Variants in KIF18A observed in about 807,000 individuals in gnomAD.
The protein encoded by KIF18A is kinesin-like protein KIF18A.
In KIF18A, 67 loss-of-function variants were observed where a neutral mutation model predicts 103.3. The ratio of observed to expected loss-of-function variants is 0.65; its 90% CI spans 0.53 to 0.79. KIF18A has a LOEUF of 0.79. KIF18A is among the 30% of genes least tolerant of loss of function. The pLI is 0.00. For synonymous variants in KIF18A, 367 were observed against 355.5 expected (o/e 1.03, Z -0.36); for missense variants, 1,032 against 1,062.5 (o/e 0.97, Z 0.40).
At chr11:28,069,152 G>T in intron 11 of KIF18A, 107 bp downstream of exon 11, 1 of 806,832 alleles carries the variant, frequency 1.2e-6, no homozygotes, top group Non-Finnish European at 2.1e-6. Context: ...AGAGTTATGA[G>T]GCAATAATAG....
intron 2 of KIF18A, among the ~76,000 whole-genome samples, chr11:28,096,774 A>G (rs1851381071): frequency 6.6e-6 from 1 of 152,126 alleles, no homozygotes; most frequent in African/African-American, 2.4e-5. Context: ...GGAAAATATC[A>G]TAAATACTAA....
At chr11:28,025,735 G>C in intron 15 of KIF18A, among the ~76,000 whole-genome samples, 1 of 152,046 alleles carries the variant, frequency 6.6e-6, no homozygotes. Context: ...ATGAGCGCAA[G>C]TTCAAATTAT....
intron 13 of KIF18A, among the ~76,000 whole-genome samples, chr11:28,040,646 T>C (rs1850547556): frequency 6.6e-6 from 1 of 151,668 alleles, no homozygotes; most frequent in South Asian, 2.1e-4. Flanking sequence ...TGCATTGTTA[T>C]AAGGCACGCT....
At chr11:28,067,166 A>T (rs1850942761) in intron 11 of KIF18A, among the ~76,000 whole-genome samples, 1 of 152,066 alleles carries the variant, frequency 6.6e-6, no homozygotes, top group South Asian at 2.1e-4. Context: ...CAATGTTTAC[A>T]TTATTTTTGT....
chr11:28,096,615 A>C (rs978582562), intron 2 of KIF18A, among the ~76,000 whole-genome samples: 2 of 152,174 alleles, frequency 1.3e-5, no homozygotes, highest in African/African-American at 2.4e-5. Context: ...AGAGGAAAAG[A>C]ATATCTTCTT....
At chr11:28,091,193 A>T (rs1327851236) in intron 4 of KIF18A, among the ~76,000 whole-genome samples, 1 of 150,348 alleles carries the variant, frequency 6.7e-6, no homozygotes, top group Non-Finnish European at 1.5e-5. Context: ...TACGTAGATT[A>T]AAATTTAAAA....
chr11:28,091,134 A>C (rs920231958), intron 4 of KIF18A, among the ~76,000 whole-genome samples: 7 of 140,964 alleles, frequency 5.0e-5, no homozygotes, highest in Non-Finnish European at 1.1e-4. Context: ...AAATAAATAA[A>C]TAAATAAATA....
In KIF18A at chr11:28,088,521, T is replaced by C. The variant is rs1851261570; in HGVS notation, c.897+3A>G. ...ATTTAACAAATAAACATATAATGCC[T>C]ACCTTTGAATCTGCTAAGGCATTGA... On this transcript the variant is annotated splice_donor_region_variant and intron_variant, in intron 6 of 16. Coordinates refer to ENST00000263181, the MANE Select transcript of KIF18A (RefSeq NM_031217.4). The C allele has an allele frequency of 6.2e-7, 1 of 1,606,990 alleles. No individual in the cohort carries two copies. Among genetic ancestry groups the C allele is most frequent in the East Asian group, 2.2e-5 (1 of 44,804 alleles).
intron 7 of KIF18A, 33 bp downstream of exon 7, chr11:28,084,599 C>T (rs1247830381): frequency 2.2e-5 from 33 of 1,497,142 alleles, no homozygotes; most frequent in Non-Finnish European, 2.9e-5. Flanking sequence ...GCAGACAATA[C>T]CTTCACAACA....
Position 28,062,521 on chromosome 11 carries a change from G to C in KIF18A, c.1591-5C>G. 6.2e-7 allele frequency: 1 copy of C among 1,604,614 alleles called. No homozygotes were observed. ...ATGAAGATCTTTCTTGAGTTCCTAGGGCAAACAATACAAAATGTACTTCAG... is the reference window on the plus strand; with the variant it reads ...ATGAAGATCTTTCTTGAGTTCCTAGCGCAAACAATACAAAATGTACTTCAG... On this transcript the variant is annotated splice_region_variant and splice_polypyrimidine_tract_variant and intron_variant, in intron 11 of 16. Coordinates refer to ENST00000263181, the MANE Select transcript of KIF18A (RefSeq NM_031217.4).
chr11:28,070,534 T>C, intron 10 of KIF18A, among the ~76,000 whole-genome samples: 1 of 152,222 alleles, frequency 6.6e-6, no homozygotes, highest in Non-Finnish European at 1.5e-5. Flanking sequence ...AAATAGTTGA[T>C]AGCCACCGTC....
chr11:28,104,056 A>C (rs770406079), intron 1 of KIF18A, among the ~76,000 whole-genome samples: 4 of 152,188 alleles, frequency 2.6e-5, no homozygotes, highest in Non-Finnish European at 4.4e-5. Context: ...TTGCATGGTA[A>C]TAAGCCAAGT....
chr11:28,059,103 C>A lies in KIF18A; in HGVS notation c.1771G>T (p.Gly591Cys), dbSNP rs139953450. The change falls in exon 13 of 17, where the codon GGC (glycine) becomes TGC (cysteine). Residue 591 changes from glycine to cysteine, a missense_variant. Physicochemically the swap from Gly to Cys is radical, Grantham distance 159. Transcript: ENST00000263181. ...GATTCAAAAGCAGCATTTGACAGGC[C>A]GGCTTCTTTTAATGTGCAATATTGT... ...RKQYCTLKEAGLSNAAFESDF... is the reference protein window; with the variant it reads ...RKQYCTLKEACLSNAAFESDF... 6.2e-7 allele frequency: 1 copy of A among 1,613,938 alleles called. No homozygotes were observed. The highest frequency in any genetic ancestry group is 1.1e-5 in the South Asian group (1 of 91,074).
At chr11:28,040,006 G>C (rs772361764) in intron 13 of KIF18A, among the ~76,000 whole-genome samples, 18 of 151,630 alleles carry the variant, frequency 1.2e-4, no homozygotes, top group Admixed American at 6.6e-5. Context: ...GAGCTAACCA[G>C]AGCAAAAACA....
intron 13 of KIF18A, among the ~76,000 whole-genome samples, chr11:28,049,827 G>T (rs888893074): frequency 2.6e-5 from 4 of 151,830 alleles, no homozygotes; most frequent in Non-Finnish European, 4.4e-5. Context: ...TATGACTCAT[G>T]GAATTCATAG....
At chr11:28,040,775 G>GTT (rs1296886469) in intron 13 of KIF18A, among the ~76,000 whole-genome samples, 1 of 151,724 alleles carries the variant, frequency 6.6e-6, no homozygotes, top group Non-Finnish European at 1.5e-5. Context: ...GGGTAGCAAT[G>GTT]TATGTTATGG....
At chr11:28,032,630 C>G (rs1469643478) in intron 15 of KIF18A, among the ~76,000 whole-genome samples, 1 of 151,854 alleles carries the variant, frequency 6.6e-6, no homozygotes, top group Non-Finnish European at 1.5e-5. Context: ...AAGATAGTCT[C>G]TTCAATAAAC....
intron 10 of KIF18A, among the ~76,000 whole-genome samples, chr11:28,071,241 G>A (rs1444967330): frequency 6.6e-6 from 1 of 152,072 alleles, no homozygotes; most frequent in Non-Finnish European, 1.5e-5. Flanking sequence ...TGCTCATACA[G>A]TTAGTTGCAC....
intron 15 of KIF18A, among the ~76,000 whole-genome samples, chr11:28,034,991 G>A (rs1458273526): frequency 2.6e-5 from 4 of 151,500 alleles, no homozygotes; most frequent in South Asian, 4.1e-4. Flanking sequence ...TTATATTTTA[G>A]TCATATATCT....
Sources: gnomAD v4.1 joint callset for allele counts (sites outside exome capture counted in the v4.1 genomes callset) on GRCh38, gnomAD v4.1.1 for gene constraint, MANE v1.5 for transcripts, NCBI Gene and HGNC (gene_info 2026-07-23, HGNC 2026-07-21) for gene names.